Variants in SLC4A10 observed in about 807,000 individuals in gnomAD.
The protein encoded by SLC4A10 is sodium-driven chloride bicarbonate exchanger.
Under a neutral mutation model 137.7 loss-of-function variants are expected in SLC4A10, and 42 were observed. The ratio of observed to expected loss-of-function variants is 0.30; its 90% CI spans 0.24 to 0.39. The LOEUF (loss-of-function observed/expected upper bound fraction) is 0.39. SLC4A10 is among the 10% of genes least tolerant of loss of function. The pLI, the probability that SLC4A10 is intolerant of heterozygous loss-of-function variation, is 1.00. For missense variants in SLC4A10, 925 were observed against 1,355.0 expected, an observed-to-expected ratio of 0.68 and a Z score of 4.98; for synonymous variants, 474 against 464.1, an observed-to-expected ratio of 1.02 and a Z score of -0.27.
intron 1 of SLC4A10, among the ~76,000 whole-genome samples, chr2:161,670,318 C>G (rs2039550041): frequency 6.7e-6 from 1 of 149,852 alleles, no homozygotes. Context: ...TTTTTCCATC[C>G]ACAGGTTTTA....
At chr2:161,768,808 T>C (rs1477638362) in intron 1 of SLC4A10, among the ~76,000 whole-genome samples, 1 of 151,992 alleles carries the variant, frequency 6.6e-6, no homozygotes, top group East Asian at 1.9e-4. Context: ...TTTTGGCCCC[T>C]GTCCTGCCTG....
intron 1 of SLC4A10, among the ~76,000 whole-genome samples, chr2:161,638,966 C>G (rs1459642621): frequency 2.0e-5 from 3 of 151,800 alleles, no homozygotes; most frequent in African/African-American, 7.3e-5. Flanking sequence ...CATTTCAACT[C>G]ATGGTCAAAG....
At chr2:161,777,463 CTG>C (rs2052487752) in intron 2 of SLC4A10, among the ~76,000 whole-genome samples, 1 of 151,912 alleles carries the variant, frequency 6.6e-6, no homozygotes, top group African/African-American at 2.4e-5. Context: ...TCCTATGTTT[CTG>C]TGTTAGTCCA....
intron 10 of SLC4A10, among the ~76,000 whole-genome samples, chr2:161,888,942 A>G (rs1273054449): frequency 6.6e-6 from 1 of 152,106 alleles, no homozygotes; most frequent in African/African-American, 2.4e-5. Flanking sequence ...AGCTCTTATT[A>G]TTTTGAGATA....
intron 4 of SLC4A10, 66 bp downstream of exon 4, chr2:161,839,993 T>C: frequency 6.3e-7 from 1 of 1,590,004 alleles, no homozygotes; most frequent in Non-Finnish European, 8.6e-7. Flanking sequence ...AAAAGAGATT[T>C]CTAATGCAAC....
chr2:161,769,748 C>G (rs2051335882), intron 1 of SLC4A10, among the ~76,000 whole-genome samples: 1 of 151,886 alleles, frequency 6.6e-6, no homozygotes, highest in African/African-American at 2.4e-5. Flanking sequence ...TAAGAATTCT[C>G]CAAGATTGAG....
At chr2:161,947,855 A>G (rs1694103121) in intron 17 of SLC4A10, 128 bp downstream of exon 17, 1 of 1,024,252 alleles carries the variant, frequency 9.8e-7, no homozygotes, top group South Asian at 1.6e-5. Flanking sequence ...GTGGAGTGAG[A>G]TGAGGGGCTG....
At chr2:161,772,711 TA>T (rs1478567030) in intron 2 of SLC4A10, among the ~76,000 whole-genome samples, 1 of 151,870 alleles carries the variant, frequency 6.6e-6, no homozygotes, top group African/African-American at 2.4e-5. Flanking sequence ...GAATGCAAAT[TA>T]ACATTGAATT....
chr2:161,667,103 T>C (rs1011051577), intron 1 of SLC4A10, among the ~76,000 whole-genome samples: 1 of 151,664 alleles, frequency 6.6e-6, no homozygotes, highest in Non-Finnish European at 1.5e-5. Context: ...TTCACCTCAA[T>C]GTGAAGCATT....
chr2:161,854,178 C>T (rs1020675970), intron 4 of SLC4A10, among the ~76,000 whole-genome samples: 1 of 152,138 alleles, frequency 6.6e-6, no homozygotes, highest in South Asian at 2.1e-4. Context: ...AATTGGTCAT[C>T]TATTAGGATT....
chr2:161,872,164 C>T, intron 6 of SLC4A10, 129 bp from the exon 7 acceptor site: 3 of 515,124 alleles, frequency 5.8e-6, no homozygotes, highest in African/African-American at 1.9e-5. Context: ...TTATATTGAC[C>T]CTTCATTCTT....
chr2:161,935,554 T>C (rs1691431224), intron 15 of SLC4A10, among the ~76,000 whole-genome samples: 1 of 152,144 alleles, frequency 6.6e-6, no homozygotes, highest in Admixed American at 6.6e-5. Context: ...AATTATTTCA[T>C]CAATGTTTTA....
At chr2:161,801,922 A>T (rs548861088) in intron 2 of SLC4A10, among the ~76,000 whole-genome samples, 1 of 152,226 alleles carries the variant, frequency 6.6e-6, no homozygotes, top group Non-Finnish European at 1.5e-5. Context: ...AATCCCAGAG[A>T]TCATGTTTTA....
At chr2:161,950,031 G>A (rs1054089106) in intron 18 of SLC4A10, among the ~76,000 whole-genome samples, 3 of 151,852 alleles carry the variant, frequency 2.0e-5, no homozygotes, top group Non-Finnish European at 4.4e-5. Flanking sequence ...GCTCTTGTCA[G>A]GATGAAATTT....
intron 3 of SLC4A10, 48 bp from the exon 4 acceptor site, chr2:161,839,741 G>A: frequency 1.2e-6 from 2 of 1,604,514 alleles, no homozygotes; most frequent in South Asian, 2.2e-5. Context: ...TTAAGCTCAG[G>A]GTCGTGGTAA....
intron 9 of SLC4A10, among the ~76,000 whole-genome samples, chr2:161,880,187 C>T (rs2061681875): frequency 6.6e-6 from 1 of 152,084 alleles, no homozygotes; most frequent in Non-Finnish European, 1.5e-5. Context: ...TCCCATATGG[C>T]TGGTGCCCTT....
intron 2 of SLC4A10, among the ~76,000 whole-genome samples, chr2:161,777,985 T>C (rs910296941): frequency 2.6e-5 from 4 of 152,032 alleles, no homozygotes; most frequent in Admixed American, 2.6e-4. Flanking sequence ...ATTAGGTTTA[T>C]ACAGGATGAA....
In SLC4A10 at chr2:161,709,087, G is replaced by T. The variant is rs1038511799; in HGVS notation, c.49-61886G>T. On this transcript the variant is annotated intron_variant, in intron 1 of 26. Coordinates refer to ENST00000446997, the MANE Select transcript of SLC4A10 (RefSeq NM_001178015.2). The stretch of plus-strand genomic sequence containing the variant: ...TGGGGGAGAGGGCGGTAAAGGAAGA[G>T]ATTCTTTGAATGTGATTAAAAGCAA... 6.0e-5 allele frequency among the ~76,000 whole-genome samples: 9 copies of T among 151,142 alleles called. No homozygotes were observed. In the Admixed American group the frequency reaches 6.0e-4, roughly 10 times the overall value.
rs563634914 is a variant in SLC4A10, at chr2:161,654,098, T to G, written c.48+29532T>G. 1.9e-3 allele frequency among the ~76,000 whole-genome samples: 286 copies of G among 152,308 alleles called. 1 individual carries two copies. The highest frequency in any genetic ancestry group is 2.8e-3 in the Non-Finnish European group (190 of 68,016). On this transcript the variant is annotated intron_variant, in intron 1 of 26. Transcript: ENST00000446997. ...CCACCACAGGTGTGAAGTGATGTCT[T>G]AAGTAATTCAATTTGCATTTCTCTG...
Sources: allele counts gnomAD v4.1 joint callset (sites outside exome capture counted in the v4.1 genomes callset), GRCh38; gene constraint gnomAD v4.1.1; transcripts MANE v1.5; gene names NCBI Gene and HGNC (gene_info 2026-07-23, HGNC 2026-07-21).